The following CSGALNACT1 variants were observed in gnomAD, a reference collection of about 807,000 sequenced individuals.
The protein encoded by CSGALNACT1 is chondroitin sulfate N-acetylgalactosaminyltransferase 1.
Under a neutral mutation model 51.0 loss-of-function variants are expected in CSGALNACT1, and 52 were observed. That is an observed-to-expected ratio of 1.02 (90% CI 0.82 to 1.29). The LOEUF (loss-of-function observed/expected upper bound fraction) is 1.29. Among genes scored for constraint, CSGALNACT1 ranks in the 50% most tolerant of loss-of-function variants. The pLI is 0.00. For missense variants in CSGALNACT1, 935 were observed against 679.2 expected (o/e 1.38, Z -4.19); for synonymous variants, 341 against 254.4 (o/e 1.34, Z -3.24).
At chr8:19,588,193 C>A (rs1407823073) in intron 3 of CSGALNACT1, among the ~76,000 whole-genome samples, 3 of 151,428 alleles carry the variant, frequency 2.0e-5, no homozygotes, top group African/African-American at 7.3e-5. Flanking sequence ...GAAACCCTGT[C>A]CCCCATCCCC....
In CSGALNACT1 at chr8:19,670,351, T is replaced by G. The variant is rs578009687; in HGVS notation, c.-544+12122A>C. On this transcript the variant is annotated intron_variant, in intron 1 of 9. Transcript: ENST00000332246. ...TTCCCAAAAATCAATCTGTATCCCC[T>G]GAATAAAAATTGTACCATTTTAACA... Among the ~76,000 whole-genome samples, 4 of 152,290 alleles carry G rather than the reference T, an allele frequency of 2.6e-5. No homozygotes were observed. The South Asian group carries it at 8.3e-4, about 32-fold the overall frequency.
At chr8:19,699,744 T>C (rs2061761310) in intron 1 of CSGALNACT1, among the ~76,000 whole-genome samples, 2 of 152,236 alleles carry the variant, frequency 1.3e-5, no homozygotes, top group Admixed American at 6.5e-5. Context: ...ATCTACCTAT[T>C]GCCACTGAAT....
chr8:19,570,837 G>A (rs1015009541), intron 3 of CSGALNACT1, among the ~76,000 whole-genome samples: 1 of 152,080 alleles, frequency 6.6e-6, no homozygotes, highest in Non-Finnish European at 1.5e-5. Flanking sequence ...GAACCCAGGA[G>A]GCACAGGTTG....
chr8:19,611,492 A>C (rs933120000), intron 1 of CSGALNACT1, among the ~76,000 whole-genome samples: 2 of 152,204 alleles, frequency 1.3e-5, no homozygotes, highest in African/African-American at 2.4e-5. Context: ...TAAGAAGCTA[A>C]GAGACGTATA....
exon 10 of CSGALNACT1, chr8:19,405,166 G>GA (rs1218910187): frequency 2.2e-6 from 1 of 444,608 alleles, no homozygotes. Context: ...TTAAATAAAA[G>GA]AAAAAAACGG....
chr8:19,539,344 G>T (rs1000957986), intron 3 of CSGALNACT1, among the ~76,000 whole-genome samples: 3 of 152,120 alleles, frequency 2.0e-5, no homozygotes, highest in Non-Finnish European at 4.4e-5. Flanking sequence ...GAAACTATCT[G>T]AAATTAATCT....
At chr8:19,710,567 A>G (rs1449267630) in intron 1 of CSGALNACT1, among the ~76,000 whole-genome samples, 2 of 152,220 alleles carry the variant, frequency 1.3e-5, no homozygotes, top group East Asian at 3.8e-4. Context: ...AACAGGGCAC[A>G]ATGTTAATAT....
upstream of CSGALNACT1, chr8:19,682,935 T>A (rs2060736529): frequency 6.2e-6 from 2 of 322,776 alleles, no homozygotes; most frequent in African/African-American, 4.3e-5. Flanking sequence ...TACCTGTACT[T>A]ATCCATCGCT....
chr8:19,666,599 G>A (rs576395707), intron 1 of CSGALNACT1, among the ~76,000 whole-genome samples: 4 of 151,596 alleles, frequency 2.6e-5, no homozygotes, highest in South Asian at 2.1e-4. Flanking sequence ...GGAGGGAGAG[G>A]AGGTGGGCGG....
intron 1 of CSGALNACT1, among the ~76,000 whole-genome samples, chr8:19,619,361 G>C (rs2053521564): frequency 6.6e-6 from 1 of 152,094 alleles, no homozygotes; most frequent in Admixed American, 6.6e-5. Flanking sequence ...GAGTGTGGAA[G>C]GGAGCGAGTC....
chr8:19,663,564 T>C (rs1202776578), intron 1 of CSGALNACT1, among the ~76,000 whole-genome samples: 1 of 152,212 alleles, frequency 6.6e-6, no homozygotes, highest in Non-Finnish European at 1.5e-5. Flanking sequence ...CAGGCAATTC[T>C]AGAGCTGACA....
chr8:19,681,734 G>T (rs950241657), intron 1 of CSGALNACT1, among the ~76,000 whole-genome samples: 1 of 152,050 alleles, frequency 6.6e-6, no homozygotes, highest in Admixed American at 6.6e-5. Context: ...TCCCATCTCT[G>T]TCCCCTGCCC....
intron 4 of CSGALNACT1, among the ~76,000 whole-genome samples, chr8:19,483,891 T>G (rs1377572798): frequency 1.3e-5 from 2 of 152,240 alleles, no homozygotes; most frequent in Non-Finnish European, 2.9e-5. Flanking sequence ...GACAGATAGC[T>G]GTCCCCACTT....
intron 3 of CSGALNACT1, among the ~76,000 whole-genome samples, chr8:19,540,914 C>G (rs957280308): frequency 1.3e-5 from 2 of 152,112 alleles, no homozygotes; most frequent in Admixed American, 6.5e-5. Context: ...GGTAGCACTC[C>G]TCCACTGAGC....
At chr8:19,445,116 T>G (rs928461631) in intron 5 of CSGALNACT1, among the ~76,000 whole-genome samples, 1 of 152,204 alleles carries the variant, frequency 6.6e-6, no homozygotes, top group Non-Finnish European at 1.5e-5. Flanking sequence ...CGATATGTTT[T>G]GAAACCAGGA....
chr8:19,521,973 T>C (rs1031694802), intron 3 of CSGALNACT1, among the ~76,000 whole-genome samples: 1 of 152,212 alleles, frequency 6.6e-6, no homozygotes, highest in Non-Finnish European at 1.5e-5. Flanking sequence ...ACATCTTGTA[T>C]TTCCCTTTCT....
intron 9 of CSGALNACT1, among the ~76,000 whole-genome samples, chr8:19,407,016 T>G (rs965614263): frequency 6.6e-6 from 1 of 152,038 alleles, no homozygotes; most frequent in African/African-American, 2.4e-5. Context: ...GCCTAGAAAA[T>G]TTTTAAATGT....
intron 1 of CSGALNACT1, among the ~76,000 whole-genome samples, chr8:19,646,536 C>A (rs752995991): frequency 1.3e-5 from 2 of 152,246 alleles, no homozygotes; most frequent in African/African-American, 4.8e-5. Context: ...TAGTGTCCAA[C>A]GGATGTGACA....
chr8:19,697,976 C>T (rs2061666599), intron 1 of CSGALNACT1, among the ~76,000 whole-genome samples: 2 of 152,242 alleles, frequency 1.3e-5, no homozygotes, highest in African/African-American at 2.4e-5. Flanking sequence ...CACTGAAATG[C>T]TGCCAAAAAG....
Sources: gnomAD v4.1 joint callset for allele counts (sites outside exome capture counted in the v4.1 genomes callset) on GRCh38, gnomAD v4.1.1 for gene constraint, MANE v1.5 for transcripts, NCBI Gene and HGNC (gene_info 2026-07-23, HGNC 2026-07-21) for gene names.